Variants in KLF12 observed in about 807,000 individuals in gnomAD.
The protein encoded by KLF12 is KLF transcription factor 12.
KLF12 carries 9 observed loss-of-function variants against 37.8 expected under a neutral mutation model. That is an observed-to-expected ratio of 0.24 (90% confidence interval 0.14 to 0.42). KLF12 has a LOEUF of 0.42. KLF12 is among the 10% of genes least tolerant of loss of function. The pLI is 1.00. For missense variants in KLF12, 411 were observed against 516.0 expected, an observed-to-expected ratio of 0.80 and a Z score of 1.97; for synonymous variants, 208 against 202.1, an observed-to-expected ratio of 1.03 and a Z score of -0.25.
chr13:73,966,741 G>A (rs554847313), intron 2 of KLF12, among the ~76,000 whole-genome samples: 6 of 152,234 alleles, frequency 3.9e-5, no homozygotes, highest in African/African-American at 4.8e-5. Context: ...ACCCAGCAAC[G>A]AAACCCAATG....
At chr13:73,902,835 A>G (rs1218853076) in intron 3 of KLF12, among the ~76,000 whole-genome samples, 1 of 152,218 alleles carries the variant, frequency 6.6e-6, no homozygotes, top group Non-Finnish European at 1.5e-5. Context: ...TTTCAATAAG[A>G]TGATTGTAAC....
chr13:73,698,742 A>G (rs942671218), intron 7 of KLF12, among the ~76,000 whole-genome samples: 2 of 152,194 alleles, frequency 1.3e-5, no homozygotes, highest in African/African-American at 2.4e-5. Context: ...TGCAACATAT[A>G]ATGTATGGCC....
rs1295411969 is a variant in KLF12, at chr13:73,693,430, T to G, written c.*2060A>C. 1 of 152,198 alleles carries G rather than the reference T, an allele frequency of 6.6e-6. No homozygotes were observed. Among genetic ancestry groups the G allele is most frequent in the Non-Finnish European group, 1.5e-5 (1 of 68,036 alleles). The allele number at this position is 152,198 out of a possible 1,614,324, so 9.4% of individuals were successfully genotyped here. A position where few individuals can be genotyped will look rare whatever the true frequency, so the allele number is the denominator to read the frequency against. Reference sequence around the variant, plus strand: ...GTTGGAGGGAAATTGCTTGATGAATTTTTGAGACCTGGCAGACAATATAGA... The same window carrying G: ...GTTGGAGGGAAATTGCTTGATGAATGTTTGAGACCTGGCAGACAATATAGA... On this transcript the variant is annotated 3_prime_UTR_variant, in exon 8 of 8. Coordinates refer to ENST00000377669, the MANE Select transcript of KLF12 (RefSeq NM_007249.5).
chr13:73,911,430 T>C (rs1888564452), intron 3 of KLF12, among the ~76,000 whole-genome samples: 1 of 152,196 alleles, frequency 6.6e-6, no homozygotes, highest in African/African-American at 2.4e-5. Context: ...AGTCTAACAC[T>C]ATAAATTTAG....
chr13:74,300,086 G>C, the KLF12 span, among the ~76,000 whole-genome samples: 1 of 152,070 alleles, frequency 6.6e-6, no homozygotes, highest in Non-Finnish European at 1.5e-5. Flanking sequence ...TATCCTATGA[G>C]AGGAGCTAAT....
chr13:74,022,760 G>A (rs771362714), intron 1 of KLF12, among the ~76,000 whole-genome samples: 4 of 150,008 alleles, frequency 2.7e-5, no homozygotes, highest in Non-Finnish European at 4.4e-5. Flanking sequence ...AACATATAAC[G>A]TATTGGCCGC....
chr13:73,805,390 C>T (rs1882509591), intron 5 of KLF12, among the ~76,000 whole-genome samples: 1 of 151,868 alleles, frequency 6.6e-6, no homozygotes, highest in Admixed American at 6.6e-5. Context: ...GACACCGAGG[C>T]AGGGGGGTCA....
intron 6 of KLF12, among the ~76,000 whole-genome samples, chr13:73,744,806 T>C (rs1173933141): frequency 1.3e-5 from 2 of 152,200 alleles, no homozygotes; most frequent in East Asian, 3.9e-4. Context: ...TGTCTACGCA[T>C]AGGTGAGCAT....
the KLF12 span, among the ~76,000 whole-genome samples, chr13:74,166,087 C>CTTTTTT: frequency 9.6e-6 from 1 of 103,784 alleles, no homozygotes; most frequent in East Asian, 2.9e-4. Context: ...GCATAAACAC[C>CTTTTTT]TTTTTTTTTT....
chr13:73,738,116 TATATATATACACACAC>T lies in KLF12; in HGVS notation c.870-22607_870-22592del, dbSNP rs1313850521. On this transcript the variant is annotated intron_variant, in intron 6 of 7. Coordinates refer to ENST00000377669, the MANE Select transcript of KLF12 (RefSeq NM_007249.5). The stretch of plus-strand genomic sequence containing the variant: ...ACATATATATATATATATATATATA[TATATATATACACACAC>T]ACACATATATATACACACACACATT... Among the ~76,000 whole-genome samples the T allele has an allele frequency of 4.5e-3, 302 of 66,532 alleles. 3 individuals carry two copies. Among genetic ancestry groups the T allele is most frequent in the African/African-American group, 0.03 (291 of 9,848 alleles). The allele number at this position is 66,532 out of a possible 152,430, so 43.6% of individuals were successfully genotyped here.
At chr13:74,070,293 T>C (rs905715026) in intron 1 of KLF12, among the ~76,000 whole-genome samples, 2 of 152,206 alleles carry the variant, frequency 1.3e-5, no homozygotes, top group Non-Finnish European at 2.9e-5. Flanking sequence ...AGATAACTCA[T>C]GAAACCACTG....
chr13:74,018,507 C>T (rs915278391), intron 1 of KLF12, among the ~76,000 whole-genome samples: 6 of 152,120 alleles, frequency 3.9e-5, no homozygotes, highest in Admixed American at 6.5e-5. Context: ...CTAGATTTAA[C>T]CATTCTACGG....
At chr13:73,743,127 G>A (rs953600612) in intron 6 of KLF12, among the ~76,000 whole-genome samples, 2 of 152,072 alleles carry the variant, frequency 1.3e-5, no homozygotes, top group East Asian at 1.9e-4. Context: ...AAGAGTTGCC[G>A]CAAAGGCAGC....
chr13:74,044,328 C>G (rs1893483110), intron 1 of KLF12, among the ~76,000 whole-genome samples: 1 of 152,108 alleles, frequency 6.6e-6, no homozygotes, highest in South Asian at 2.1e-4. Context: ...ACACACCCCG[C>G]ACCCAGATCT....
At chr13:74,093,222 T>G (rs1875781298) in intron 1 of KLF12, among the ~76,000 whole-genome samples, 1 of 152,244 alleles carries the variant, frequency 6.6e-6, no homozygotes, top group Non-Finnish European at 1.5e-5. Flanking sequence ...AATCACATAG[T>G]TAAGAAATGC....
chr13:73,878,267 T>C (rs761804415), intron 3 of KLF12, among the ~76,000 whole-genome samples: 4 of 152,148 alleles, frequency 2.6e-5, no homozygotes, highest in Non-Finnish European at 5.9e-5. Flanking sequence ...ATATTCTCTA[T>C]GGATAATCAC....
At chr13:74,153,108 T>G in the KLF12 span, among the ~76,000 whole-genome samples, 2 of 150,454 alleles carry the variant, frequency 1.3e-5, no homozygotes, top group African/African-American at 4.9e-5. Context: ...GTTAGAAAAT[T>G]TGGGTGTTAA....
At chr13:74,116,638 T>A (rs1877317871) in intron 1 of KLF12, among the ~76,000 whole-genome samples, 1 of 152,208 alleles carries the variant, frequency 6.6e-6, no homozygotes, top group Non-Finnish European at 1.5e-5. Flanking sequence ...AGTATTTTAA[T>A]CTTACAAAGA....
intron 4 of KLF12, among the ~76,000 whole-genome samples, chr13:73,833,233 T>C (rs1364233668): frequency 1.3e-5 from 2 of 152,124 alleles, no homozygotes; most frequent in African/African-American, 4.8e-5. Context: ...AAAGAATAAA[T>C]AAGAACTGAC....
Sources: gnomAD v4.1 joint callset for allele counts (sites outside exome capture counted in the v4.1 genomes callset) on GRCh38, gnomAD v4.1.1 for gene constraint, MANE v1.5 for transcripts, NCBI Gene and HGNC (gene_info 2026-07-23, HGNC 2026-07-21) for gene names.